Variants in PMPCB observed in about 807,000 individuals in gnomAD.
The protein encoded by PMPCB is peptidase, mitochondrial processing subunit beta, also known as mitochondrial-processing peptidase subunit beta.
In PMPCB, 46 loss-of-function variants were observed where a neutral mutation model predicts 61.5. The observed-to-expected ratio is 0.75, with a 90% CI of 0.59 to 0.96. The LOEUF (loss-of-function observed/expected upper bound fraction) is 0.96, where lower values mean the gene tolerates loss of function less well. PMPCB is among the 40% of genes least tolerant of loss of function. PMPCB has a pLI of 0.00. For missense variants in PMPCB, 590 were observed against 602.4 expected, an observed-to-expected ratio of 0.98 and a Z score of 0.22; for synonymous variants, 191 against 201.6, an observed-to-expected ratio of 0.95 and a Z score of 0.44.
At chr7:103,319,891 C>T (rs1468795471) in intron 12 of PMPCB, 2 of 1,588,536 alleles carry the variant, frequency 1.3e-6, no homozygotes, top group Non-Finnish European at 1.7e-6. Flanking sequence ...AAAATACATC[C>T]ATCAACATAA....
chr7:103,344,500 G>T, the PMPCB span: 2 of 1,593,330 alleles, frequency 1.3e-6, no homozygotes, highest in African/African-American at 1.3e-5. Flanking sequence ...TTGCCGAGGC[G>T]GAGGACTGAG....
At chr7:103,309,846 TAAATG>T (rs1817688845) in intron 8 of PMPCB, among the ~76,000 whole-genome samples, 1 of 152,224 alleles carries the variant, frequency 6.6e-6, no homozygotes, top group African/African-American at 2.4e-5. Flanking sequence ...GGAATCTAGA[TAAATG>T]AAATTCTCTG....
the PMPCB span, chr7:103,341,665 G>A: frequency 9.9e-7 from 1 of 1,006,136 alleles, no homozygotes; most frequent in Non-Finnish European, 1.4e-6. Context: ...TTATCTTGCT[G>A]AATCATCTTA....
intron 12 of PMPCB, chr7:103,323,586 T>C (rs991597082): frequency 5.5e-6 from 8 of 1,455,640 alleles, no homozygotes; most frequent in South Asian, 2.7e-5. Context: ...TATTAATGAT[T>C]TGCATACATA....
At chr7:103,342,985 T>G in the PMPCB span, among the ~76,000 whole-genome samples, 1 of 152,036 alleles carries the variant, frequency 6.6e-6, no homozygotes, top group Admixed American at 6.5e-5. Flanking sequence ...ATAAAAAATC[T>G]AAAAACAACT....
chr7:103,297,872 G>T, intron 1 of PMPCB: 1 of 1,434,486 alleles, frequency 7.0e-7, no homozygotes, highest in Non-Finnish European at 9.2e-7. Context: ...AAGTGAAATG[G>T]GTACCGCTCC....
downstream of PMPCB, among the ~76,000 whole-genome samples, chr7:103,331,114 G>A (rs1292923057): frequency 1.3e-5 from 2 of 151,472 alleles, no homozygotes; most frequent in East Asian, 3.9e-4. Flanking sequence ...CTGCCACCAC[G>A]CTCAGCTAAT....
downstream of PMPCB, chr7:103,316,693 C>G: frequency 1.4e-6 from 1 of 722,340 alleles, no homozygotes; most frequent in South Asian, 1.9e-5. Context: ...ATGCACCTCA[C>G]TTTTCACACT....
Position 103,298,597 on chromosome 7 carries a change from A to T in PMPCB, c.129A>T (p.Arg43Ser). The T allele has an allele frequency of 6.2e-7, 1 of 1,614,094 alleles. No homozygotes were observed. The highest frequency in any genetic ancestry group is 8.5e-7 in the Non-Finnish European group (1 of 1,179,930). ...RSLYFGENRL[R>S]STQAATQVVL... ...TATATTTTGGAGAGAACAGATTAAG[A>T]AGTACACAGGCTGCTACCCAAGTTG... Residue 43 changes from arginine (R) to serine (S), a missense_variant, in exon 2 of 13, where the codon AGA (arginine) becomes AGT (serine). Coordinates refer to ENST00000249269, the MANE Select transcript of PMPCB (RefSeq NM_004279.3).
At chr7:103,302,804 C>T (rs1472278140) in intron 4 of PMPCB, among the ~76,000 whole-genome samples, 1 of 152,066 alleles carries the variant, frequency 6.6e-6, no homozygotes. Context: ...TTGGAGGAAG[C>T]TGAGGCAGGA....
At chr7:103,342,360 C>T in the PMPCB span, among the ~76,000 whole-genome samples, 1 of 151,144 alleles carries the variant, frequency 6.6e-6, no homozygotes. Context: ...GGCTGGAATG[C>T]AATGGCGAGA....
chr7:103,314,104 G>A lies in PMPCB; in HGVS notation c.*1833G>A, dbSNP rs1817911546. The stretch of plus-strand genomic sequence containing the variant: ...TTGTATAATATTTGATGGTACCTAA[G>A]GTGCCTAAGAAGCTTTTTTGAAGGT... On this transcript the variant is annotated 3_prime_UTR_variant, in exon 13 of 13. Transcript: ENST00000249269. 2 of 985,342 alleles carry A rather than the reference G, an allele frequency of 2.0e-6. No homozygotes were observed. The highest frequency in any genetic ancestry group is 2.4e-6 in the Non-Finnish European group (2 of 829,872). The allele number at this position is 985,342 out of a possible 1,614,324, so 61.0% of individuals were successfully genotyped here.
At chr7:103,308,450 C>T (rs1246683613) in intron 7 of PMPCB, among the ~76,000 whole-genome samples, 2 of 152,080 alleles carry the variant, frequency 1.3e-5, no homozygotes, top group African/African-American at 2.4e-5. Flanking sequence ...GGTGAAACTC[C>T]GTCTCTACTA....
rs1817527646 is a variant in PMPCB at position 103,304,455 on chromosome 7, A to G, written c.701A>G (p.Tyr234Cys). The change falls in exon 6 of 13, where the codon TAT (tyrosine) becomes TGT (cysteine). Residue 234 changes from tyrosine to cysteine, a missense_variant. Physicochemically the swap from Tyr to Cys is radical, Grantham distance 194. Transcript: ENST00000249269. The part of the protein sequence containing the change: ...KDLVDYITTH[Y>C]KGPRIVLAAA... ...TTAGTGGATTATATAACCACACATT[A>G]TAAGGGGCCAAGAATAGTGCTTGCT... 9 of 1,607,642 alleles carry G rather than the reference A, an allele frequency of 5.6e-6. No individual in the cohort carries two copies. The highest frequency in any genetic ancestry group is 1.7e-5 in the Admixed American group (1 of 59,994).
Position 103,313,852 on chromosome 7 carries a change from GA to G in PMPCB, c.*1584del. The stretch of plus-strand genomic sequence containing the variant: ...GGTAAAAGTAGAATGTTAAGTGGTA[GA>G]AAGCTGATTTGGTTAAGTTAATGGA... On this transcript the variant is annotated 3_prime_UTR_variant, in exon 13 of 13. Transcript: ENST00000249269. 1.0e-6 allele frequency: 1 copy of G among 985,362 alleles called. No homozygotes were observed. The highest frequency in any genetic ancestry group is 1.2e-6 in the Non-Finnish European group (1 of 829,866). The allele number at this position is 985,362 out of a possible 1,614,324, so 61.0% of individuals were successfully genotyped here.
downstream of PMPCB, chr7:103,314,796 T>C (rs1213511400): frequency 4.1e-6 from 1 of 243,598 alleles, no homozygotes; most frequent in Non-Finnish European, 6.6e-6. Flanking sequence ...GATTAAAGAA[T>C]ATAGGTAAAA....
the PMPCB span, among the ~76,000 whole-genome samples, chr7:103,335,023 G>A: frequency 8.6e-5 from 13 of 151,808 alleles, no homozygotes; most frequent in Admixed American, 6.6e-4. Context: ...TAGTAGAGAC[G>A]GGGTTTCGCC....
chr7:103,321,232 T>C (rs189816974), intron 12 of PMPCB, among the ~76,000 whole-genome samples: 3 of 152,004 alleles, frequency 2.0e-5, no homozygotes, highest in Admixed American at 2.0e-4. Flanking sequence ...GAAAAAGTTT[T>C]TTTGGCTGGG....
At chr7:103,322,464 A>G (rs1313717981) in intron 12 of PMPCB, 5 of 1,392,498 alleles carry the variant, frequency 3.6e-6, no homozygotes, top group Non-Finnish European at 4.9e-6. Context: ...TGAAGATTAA[A>G]GATTTCATAA....
Sources: allele counts gnomAD v4.1 joint callset (sites outside exome capture counted in the v4.1 genomes callset), GRCh38; gene constraint gnomAD v4.1.1; transcripts MANE v1.5; gene names NCBI Gene and HGNC (gene_info 2026-07-23, HGNC 2026-07-21).